Variants in PLCH2 observed in about 807,000 individuals in gnomAD.
PLCH2 encodes phospholipase C eta 2, also known as 1-phosphatidylinositol 4,5-bisphosphate phosphodiesterase eta-2.
PLCH2 carries 98 observed loss-of-function variants against 134.7 expected under a neutral mutation model. The observed-to-expected ratio is 0.73, with a 90% CI of 0.62 to 0.86. The LOEUF (loss-of-function observed/expected upper bound fraction) is 0.86. Ranked by LOEUF, PLCH2 falls within the 40% of genes least tolerant of loss-of-function variation. The pLI is 0.00. For synonymous variants in PLCH2, 974 were observed against 827.5 expected (o/e 1.18, Z -3.04); for missense variants, 1,994 against 1,986.6 (o/e 1.00, Z -0.07).
Position 2,504,984 on chromosome 1 carries a change from G to GCAGCCA in PLCH2, c.4028_4033dup (p.His1343_Ser1344dup). On this transcript the variant is annotated inframe_insertion, in exon 22 of 22. Transcript: ENST00000378486. Reference sequence around the variant, plus strand: ...GGTTTTGTGCGGCGCTCCTCCTCCCGCAGCCACAGCCGCGTGCGTGCCATT... The same window carrying GCAGCCA: ...GGTTTTGTGCGGCGCTCCTCCTCCCGCAGCCACAGCCACAGCCGCGTGCGTGCCATT... 6.5e-7 allele frequency: 1 copy of GCAGCCA among 1,547,700 alleles called. No individual in the cohort carries two copies. Among genetic ancestry groups the GCAGCCA allele is most frequent in the Non-Finnish European group, 8.7e-7 (1 of 1,150,652 alleles).
intron 14 of PLCH2, 28 bp from the exon 15 acceptor site, chr1:2,496,800 G>T: frequency 1.9e-6 from 3 of 1,610,524 alleles, no homozygotes; most frequent in Non-Finnish European, 2.5e-6. Context: ...AGGACTGGCA[G>T]TCTGATGCCC....
At chr1:2,481,707 C>G (rs560103894) in intron 4 of PLCH2, among the ~76,000 whole-genome samples, 47 of 152,340 alleles carry the variant, frequency 3.1e-4, no homozygotes, top group Admixed American at 9.1e-4. Context: ...GTCAGGTTAC[C>G]GGCCTGGCAC....
intron 1 of PLCH2, among the ~76,000 whole-genome samples, chr1:2,428,955 G>A (rs1638937272): frequency 6.6e-6 from 1 of 152,208 alleles, no homozygotes; most frequent in African/African-American, 2.4e-5. Context: ...CCCCGGGGTG[G>A]GTGGTGGCCC....
At position 2,481,943 on chromosome 1, in the gene PLCH2, C is replaced by T. The variant is rs144692763; in HGVS notation, c.645+1631C>T. Among the ~76,000 whole-genome samples, 8 of 152,366 alleles carry T rather than the reference C, an allele frequency of 5.3e-5. No homozygotes were observed. The South Asian group carries it at 8.3e-4, about 16-fold the overall frequency. On this transcript the variant is annotated intron_variant, in intron 4 of 21. Transcript: ENST00000378486. The stretch of plus-strand genomic sequence containing the variant: ...TGGAGATGGCTCCCATTGCCTGGCA[C>T]GGCCTAATCAGAGAGAACTGCATGG...
rs777853982 is a variant in PLCH2, at chr1:2,496,868, G to A, written c.1974G>A (p.Lys658=). 1.2e-6 allele frequency: 2 copies of A among 1,612,910 alleles called. No homozygotes were observed. The highest frequency in any genetic ancestry group is 1.1e-5 in the South Asian group (1 of 91,088). Residue 658 remains lysine, a synonymous_variant, in exon 15 of 22, where the codon AAG becomes AAA. Coordinates refer to ENST00000378486, the MANE Select transcript of PLCH2 (RefSeq NM_014638.4). ...SWQVSSFSET[K]AHQILQQKPA... ...AGGTGTCGTCCTTCAGCGAGACCAA[G>A]GCCCACCAGATTCTGCAGCAGAAGC...
Position 2,480,304 on chromosome 1 carries a change from A to G in PLCH2, c.637A>G (p.Met213Val), listed in dbSNP as rs1469771767. ...CCTGCCCCGGCAGAGGGTGAAGCAG[A>G]TGTTCAGGGTGAGCTGGGGGGAGCC... ...VNLPRQRVKQ[M>V]FREADTDDHQ... The change falls in exon 4 of 22, where the codon ATG (methionine) becomes GTG (valine). Residue 213 changes from methionine to valine, a missense_variant. Physicochemically the swap from Met to Val is conservative, Grantham distance 21 (BLOSUM62 1). Around this residue, in one of 2 missense-constraint regions of PLCH2, gnomAD observed 1,094 missense variants for 1,234.3 expected, o/e 0.89. Coordinates refer to ENST00000378486, the MANE Select transcript of PLCH2 (RefSeq NM_014638.4). 3.1e-6 allele frequency: 5 copies of G among 1,612,258 alleles called. No homozygotes were observed. The highest frequency in any genetic ancestry group is 3.4e-6 in the Non-Finnish European group (4 of 1,179,586).
chr1:2,488,477 G>A (rs535770125), intron 8 of PLCH2, among the ~76,000 whole-genome samples: 8 of 152,328 alleles, frequency 5.3e-5, no homozygotes, highest in Admixed American at 2.0e-4. Flanking sequence ...CCTGAGAAGT[G>A]GGGGAATGAG....
upstream of PLCH2, among the ~76,000 whole-genome samples, chr1:2,464,034 G>C (rs764957104): frequency 4.2e-4 from 64 of 152,252 alleles, no homozygotes; most frequent in Non-Finnish European, 8.4e-4. Flanking sequence ...GGCAGCCCCA[G>C]AGGACATGGT....
intron 2 of PLCH2, among the ~76,000 whole-genome samples, chr1:2,447,786 TG>T (rs1055794936): frequency 1.8e-4 from 27 of 152,278 alleles, no homozygotes; most frequent in African/African-American, 6.0e-4. Context: ...TCTGAGTCTT[TG>T]GGGTCTTTCC....
chr1:2,416,465 G>C, the PLCH2 span, among the ~76,000 whole-genome samples: 17 of 152,210 alleles, frequency 1.1e-4, no homozygotes, highest in Non-Finnish European at 2.2e-4. Context: ...GAACGGGTTC[G>C]TCTGCCTGGC....
intron 21 of PLCH2, chr1:2,503,607 GC>G: frequency 1.5e-6 from 1 of 684,122 alleles, no homozygotes. Flanking sequence ...CACCCACGCT[GC>G]CTCCGTAGTT....
In PLCH2 at chr1:2,431,757, G is replaced by A. The variant is rs567560872; in HGVS notation, c.115+1128G>A. ...CCCTCATCACAGTCCCTGCCTCTCCGTTCCTACCCCTTGTTACTGTCCCCG... is the reference window on the plus strand; with the variant it reads ...CCCTCATCACAGTCCCTGCCTCTCCATTCCTACCCCTTGTTACTGTCCCCG... On this transcript the variant is annotated intron_variant, in intron 2 of 3. Transcript: ENST00000609981. Among the ~76,000 whole-genome samples the A allele has an allele frequency of 1.9e-4, 29 of 152,206 alleles. No homozygotes were observed. The East Asian group carries it at 2.1e-3, about 11-fold the overall frequency.
chr1:2,496,598 C>T lies in PLCH2; in HGVS notation c.1836-9C>T, dbSNP rs1167614521. On this transcript the variant is annotated splice_polypyrimidine_tract_variant and intron_variant, in intron 13 of 21. Coordinates refer to ENST00000378486, the MANE Select transcript of PLCH2 (RefSeq NM_014638.4). ...CGGGAGGGGTTCTGACCCCCTGCAC[C>T]TGCCACAGGGCGACCCGGCAGAAGA... is the stretch of plus-strand genomic sequence containing the variant. 1 of 1,606,724 alleles carries T rather than the reference C, an allele frequency of 6.2e-7. No individual in the cohort carries two copies. The highest frequency in any genetic ancestry group is 8.5e-7 in the Non-Finnish European group (1 of 1,177,264).
intron 12 of PLCH2, 141 bp from the exon 13 acceptor site, chr1:2,495,347 C>T (rs1017651329): frequency 8.5e-5 from 58 of 678,640 alleles, no homozygotes; most frequent in Non-Finnish European, 1.3e-4. Context: ...CTTTGGCAGG[C>T]CCAGCCAGGC....
chr1:2,496,754 C>G lies in PLCH2; in HGVS notation c.1933+50C>G, dbSNP rs550092430. 1.8e-5 allele frequency: 29 copies of G among 1,610,296 alleles called. No individual in the cohort carries two copies. The East Asian group carries it at 6.5e-4, about 36-fold the overall frequency. On this transcript the variant is annotated intron_variant, in intron 14 of 21. Coordinates refer to ENST00000378486, the MANE Select transcript of PLCH2 (RefSeq NM_014638.4). ...CACGGGCGGAGGCCTCCCTGTCCCC[C>G]ATCCCTGCTATGCTGCTGGGCGCCG...
intron 2 of PLCH2, among the ~76,000 whole-genome samples, chr1:2,436,582 T>A (rs1327364230): frequency 6.3e-5 from 8 of 126,342 alleles, no homozygotes; most frequent in South Asian, 2.9e-4. Context: ...TCCTCCCTCC[T>A]CCCTCCTCCC....
chr1:2,448,731 C>A lies in PLCH2; in HGVS notation c.115+18102C>A, dbSNP rs1570289700. On this transcript the variant is annotated intron_variant, in intron 2 of 3. Transcript: ENST00000609981. This position sits in a 1 kb window ranked among gnomAD's most constrained non-coding sequence, Gnocchi z 4.0. ...CGCAGCCTCCTGGCTCCCCACCATC[C>A]CCCCTGGTGCAGCCTCCTGGCTCCC... 6.6e-6 allele frequency among the ~76,000 whole-genome samples: 1 copy of A among 152,040 alleles called. No homozygotes were observed. The highest frequency in any genetic ancestry group is 1.5e-5 in the Non-Finnish European group (1 of 67,998).
At chr1:2,438,681 G>C (rs377305235) in intron 2 of PLCH2, among the ~76,000 whole-genome samples, 13 of 152,062 alleles carry the variant, frequency 8.5e-5, no homozygotes, top group African/African-American at 3.1e-4. Context: ...TCTTGCCCCC[G>C]CCTCCCAACA....
intron 2 of PLCH2, among the ~76,000 whole-genome samples, chr1:2,454,659 A>G (rs34506253): frequency 0.2 from 29,999 of 152,142 alleles, 3,611 homozygotes; most frequent in African/African-American, 0.33. Flanking sequence ...GGGAGGGGCC[A>G]GGACCTGAGC....
Sources: allele counts gnomAD v4.1 joint callset (sites outside exome capture counted in the v4.1 genomes callset), GRCh38; gene constraint gnomAD v4.1.1; regional missense constraint gnomAD v4.1.1; non-coding constraint Gnocchi (gnomAD v3.1); transcripts MANE v1.5; gene names NCBI Gene and HGNC (gene_info 2026-07-23, HGNC 2026-07-21).